Variants in DPP10 observed in about 807,000 individuals in gnomAD.
The protein encoded by DPP10 is inactive dipeptidyl peptidase 10.
A neutral mutation model predicts 120.9 loss-of-function variants in DPP10; 33 were observed. That is an observed-to-expected ratio of 0.27 (90% CI 0.21 to 0.37). The LOEUF (loss-of-function observed/expected upper bound fraction) is 0.37, where lower values mean the gene tolerates loss of function less well. DPP10 is among the 10% of genes least tolerant of loss of function. The pLI, the probability that DPP10 is intolerant of heterozygous loss-of-function variation, is 1.00. For synonymous variants in DPP10, 337 were observed against 326.1 expected (o/e 1.03, Z -0.36); for missense variants, 816 against 942.8 (o/e 0.87, Z 1.76).
chr2:115,816,297 TTGAG>T (rs1687220405), intron 21 of DPP10, among the ~76,000 whole-genome samples: 1 of 152,210 alleles, frequency 6.6e-6, no homozygotes, highest in African/African-American at 2.4e-5. Context: ...TGTCATTAGA[TTGAG>T]TGGTCAATTT....
chr2:115,454,845 C>T (rs745327476), intron 3 of DPP10, among the ~76,000 whole-genome samples: 8 of 151,506 alleles, frequency 5.3e-5, no homozygotes, highest in Non-Finnish European at 7.4e-5. Context: ...CCATAATAAA[C>T]TACTTGAACT....
chr2:114,622,945 G>T (rs1483111359), intron 1 of DPP10, among the ~76,000 whole-genome samples: 1 of 152,080 alleles, frequency 6.6e-6, no homozygotes, highest in Non-Finnish European at 1.5e-5. Flanking sequence ...ATGAGCCCAG[G>T]CTTACATGGA....
intron 1 of DPP10, among the ~76,000 whole-genome samples, chr2:114,911,407 C>T (rs1190645959): frequency 1.3e-5 from 2 of 152,074 alleles, no homozygotes; most frequent in Admixed American, 1.3e-4. Context: ...TAACACTAAG[C>T]ATAAAAAATT....
At chr2:115,757,353 T>C (rs1679549691) in intron 11 of DPP10, among the ~76,000 whole-genome samples, 1 of 149,882 alleles carries the variant, frequency 6.7e-6, no homozygotes, top group Admixed American at 6.6e-5. Flanking sequence ...AATAATAAGG[T>C]TTATTAGACT....
At chr2:115,807,992 C>A (rs577982823) in intron 19 of DPP10, among the ~76,000 whole-genome samples, 65 of 146,804 alleles carry the variant, frequency 4.4e-4, no homozygotes, top group African/African-American at 1.7e-3. Context: ...CAAACTATAA[C>A]TGAGTTCAGA....
intron 1 of DPP10, among the ~76,000 whole-genome samples, chr2:114,935,371 T>C (rs1288721808): frequency 6.6e-6 from 1 of 152,150 alleles, no homozygotes; most frequent in Non-Finnish European, 1.5e-5. Context: ...AAGTCGGAAC[T>C]CTTTCTAATT....
chr2:115,459,040 T>C (rs946743894), intron 3 of DPP10, among the ~76,000 whole-genome samples: 2 of 152,064 alleles, frequency 1.3e-5, no homozygotes, highest in African/African-American at 2.4e-5. Flanking sequence ...CAGTCAACAA[T>C]TGCCACTGCA....
intron 3 of DPP10, among the ~76,000 whole-genome samples, chr2:115,461,701 T>C (rs1017096149): frequency 6.6e-6 from 1 of 152,152 alleles, no homozygotes; most frequent in Non-Finnish European, 1.5e-5. Context: ...TAAATAAAAA[T>C]GGTTTATTTT....
rs559015374 is a variant in DPP10, at chr2:115,575,566, G to A, written c.441+49594G>A. ...TGCTAGCTCTGGCTGAATTCAATTT[G>A]TGTTCAGAACTGCCCGAAGCAGAAT... On this transcript the variant is annotated intron_variant, in intron 5 of 25. Transcript: ENST00000410059. Among the ~76,000 whole-genome samples, 7 of 152,286 alleles carry A rather than the reference G, an allele frequency of 4.6e-5. No individual in the cohort carries two copies. In the East Asian group the frequency reaches 1.4e-3, roughly 29 times the overall value.
chr2:115,474,728 GA>G (rs11314883), intron 3 of DPP10, among the ~76,000 whole-genome samples: 128,169 of 139,290 alleles, frequency 0.92, 58,839 homozygotes, highest in East Asian at 0.97. Context: ...CCATGTGATA[GA>G]AAAAAAAAAA....
intron 1 of DPP10, among the ~76,000 whole-genome samples, chr2:114,764,423 A>G (rs1006487626): frequency 6.6e-6 from 1 of 151,920 alleles, no homozygotes; most frequent in African/African-American, 2.4e-5. Context: ...AAAATTTTAA[A>G]TGTAGGCCTA....
rs115112557 is a variant in DPP10 at position 114,609,979 on chromosome 2, C to T, written c.60+167141C>T. Among the ~76,000 whole-genome samples the T allele has an allele frequency of 5.6e-3, 851 of 152,224 alleles. 9 individuals carry two copies. The highest frequency in any genetic ancestry group is 0.019 in the African/African-American group (793 of 41,550). ...TAGAGATCTGAGCTGCAATTTGGCA[C>T]CCTTAAATGTACTTGGCTATGTTCC... On this transcript the variant is annotated intron_variant, in intron 1 of 25. Coordinates refer to ENST00000410059, the MANE Select transcript of DPP10 (RefSeq NM_020868.6).
chr2:114,453,350 T>C (rs1678390238), intron 1 of DPP10, among the ~76,000 whole-genome samples: 1 of 152,206 alleles, frequency 6.6e-6, no homozygotes, highest in African/African-American at 2.4e-5. Flanking sequence ...CTCGTCTCCT[T>C]TCATATTAAA....
At chr2:115,341,431 G>A (rs2063441149) in intron 2 of DPP10, among the ~76,000 whole-genome samples, 1 of 152,024 alleles carries the variant, frequency 6.6e-6, no homozygotes, top group African/African-American at 2.4e-5. Flanking sequence ...TGGCACAATT[G>A]CTATCACTCA....
At chr2:115,149,561 G>T (rs1279933176) in intron 1 of DPP10, among the ~76,000 whole-genome samples, 4 of 152,084 alleles carry the variant, frequency 2.6e-5, no homozygotes, top group Non-Finnish European at 5.9e-5. Flanking sequence ...GTTAACTTTT[G>T]ATTCCTCTTG....
At chr2:115,624,393 G>T (rs1221237708) in intron 5 of DPP10, among the ~76,000 whole-genome samples, 1 of 151,898 alleles carries the variant, frequency 6.6e-6, no homozygotes, top group African/African-American at 2.4e-5. Flanking sequence ...AATTATTTTT[G>T]TCAAGCCCCC....
intron 1 of DPP10, among the ~76,000 whole-genome samples, chr2:114,611,546 T>G (rs931055341): frequency 2.0e-5 from 3 of 152,204 alleles, no homozygotes; most frequent in African/African-American, 4.8e-5. Flanking sequence ...TTGATTGTAT[T>G]ATGGTAGTTT....
intron 5 of DPP10, among the ~76,000 whole-genome samples, chr2:115,594,511 A>G (rs1449006855): frequency 6.6e-6 from 1 of 152,192 alleles, no homozygotes; most frequent in Non-Finnish European, 1.5e-5. Flanking sequence ...GTCCAGTCCC[A>G]TGCAATTAAC....
At chr2:114,961,522 A>C (rs2104720063) in intron 1 of DPP10, among the ~76,000 whole-genome samples, 1 of 152,114 alleles carries the variant, frequency 6.6e-6, no homozygotes, top group South Asian at 2.1e-4. Flanking sequence ...GAAATAATTA[A>C]AGGTATCTTA....
Sources: gnomAD v4.1 joint callset for allele counts (sites outside exome capture counted in the v4.1 genomes callset) on GRCh38, gnomAD v4.1.1 for gene constraint, MANE v1.5 for transcripts, NCBI Gene and HGNC (gene_info 2026-07-23, HGNC 2026-07-21) for gene names.